The following ABCC5 variants were observed in gnomAD, a reference collection of about 807,000 sequenced individuals.
ABCC5 encodes ATP binding cassette subfamily C member 5.
ABCC5 carries 61 observed loss-of-function variants against 160.9 expected under a neutral mutation model. The ratio of observed to expected loss-of-function variants is 0.38; its 90% confidence interval spans 0.31 to 0.47. The LOEUF (loss-of-function observed/expected upper bound fraction) is 0.47. Ranked by LOEUF, ABCC5 falls within the 20% of genes least tolerant of loss-of-function variation. The pLI, the probability that ABCC5 is intolerant of heterozygous loss-of-function variation, is 0.99. For synonymous variants in ABCC5, 666 were observed against 700.6 expected, an observed-to-expected ratio of 0.95 and a Z score of 0.78; for missense variants, 1,308 against 1,813.3, an observed-to-expected ratio of 0.72 and a Z score of 5.06.
chr3:183,958,964 A>G (rs1206537681), intron 17 of ABCC5, among the ~76,000 whole-genome samples: 1 of 152,030 alleles, frequency 6.6e-6, no homozygotes, highest in African/African-American at 2.4e-5. Context: ...GGCAAACCCA[A>G]GAAAGTCCCT....
At chr3:183,961,731 T>A in intron 15 of ABCC5, 77 bp from the exon 16 acceptor site, 1 of 1,562,860 alleles carries the variant, frequency 6.4e-7, no homozygotes, top group South Asian at 1.2e-5. Context: ...AGTTCAGTAG[T>A]TCTCTACAGG....
intron 10 of ABCC5, 169 bp from the exon 11 acceptor site, chr3:183,972,088 G>A: frequency 7.0e-7 from 1 of 1,424,754 alleles, no homozygotes. Context: ...CCCATCAAGG[G>A]GTCACGGGAG....
At chr3:183,957,400 G>A (rs374623919) in intron 17 of ABCC5, among the ~76,000 whole-genome samples, 3 of 132,322 alleles carry the variant, frequency 2.3e-5, no homozygotes, top group African/African-American at 2.8e-5. Flanking sequence ...ATGCTTATCC[G>A]TGTGTATATC....
intron 26 of ABCC5, among the ~76,000 whole-genome samples, chr3:183,930,284 T>A (rs887566006): frequency 4.6e-5 from 7 of 152,248 alleles, no homozygotes; most frequent in African/African-American, 1.2e-4. Context: ...ATTCCTGCTA[T>A]CTGGGCATCT....
chr3:183,977,632 TAGG>T lies in ABCC5; in HGVS notation c.1297-11_1297-9del, dbSNP rs779297708. The T allele has an allele frequency of 6.2e-7, 1 of 1,606,614 alleles. No homozygotes were observed. The highest frequency in any genetic ancestry group is 1.1e-5 in the South Asian group (1 of 90,728). ...TGTCACCACTGTGAAAGCCTGAAAA[TAGG>T]AGAAGAGAAGAAACTGTGCCTAATG... On this transcript the variant is annotated splice_polypyrimidine_tract_variant and intron_variant, in intron 9 of 29. Transcript: ENST00000334444.
At chr3:183,948,499 T>C (rs1160375518) in intron 22 of ABCC5, among the ~76,000 whole-genome samples, 2 of 150,808 alleles carry the variant, frequency 1.3e-5, no homozygotes, top group Non-Finnish European at 3.0e-5. Context: ...TTCTAAACTT[T>C]CTATTCTAAA....
intron 25 of ABCC5, among the ~76,000 whole-genome samples, chr3:183,941,872 G>A (rs1714385385): frequency 6.6e-6 from 1 of 151,820 alleles, no homozygotes; most frequent in East Asian, 2.0e-4. Context: ...TACGTGAGAG[G>A]CTGAGGCAGG....
intron 16 of ABCC5, 31 bp downstream of exon 16, chr3:183,961,479 AG>A: frequency 6.2e-7 from 1 of 1,611,234 alleles, no homozygotes; most frequent in Non-Finnish European, 8.5e-7. Context: ...CAGAGACAGA[AG>A]GGGACACACG....
At chr3:183,965,298 G>A (rs1316775657) in intron 13 of ABCC5, 41 bp from the exon 14 acceptor site, 3 of 1,614,134 alleles carry the variant, frequency 1.9e-6, no homozygotes, top group Non-Finnish European at 2.5e-6. Context: ...CACGGCGGGA[G>A]CAGAGCCTGC....
chr3:183,922,326 C>T (rs1258241493), intron 29 of ABCC5, among the ~76,000 whole-genome samples: 1 of 152,116 alleles, frequency 6.6e-6, no homozygotes, highest in Admixed American at 6.6e-5. Flanking sequence ...GAGCAGAGAT[C>T]GTGCTATTGC....
chr3:183,955,171 A>C (rs1280846908), intron 17 of ABCC5, among the ~76,000 whole-genome samples: 1 of 152,188 alleles, frequency 6.6e-6, no homozygotes, highest in African/African-American at 2.4e-5. Context: ...TAGTAAAGGA[A>C]GGAGATTCTC....
At chr3:183,994,151 T>C (rs1468264171) in intron 2 of ABCC5, among the ~76,000 whole-genome samples, 6 of 151,968 alleles carry the variant, frequency 3.9e-5, no homozygotes, top group East Asian at 1.9e-4. Context: ...TTAGTAGAGA[T>C]GCCATTTTGC....
At chr3:184,002,393 C>T (rs1363612545) in intron 2 of ABCC5, among the ~76,000 whole-genome samples, 10 of 147,488 alleles carry the variant, frequency 6.8e-5, no homozygotes, top group Admixed American at 4.7e-4. Flanking sequence ...AGCCAGACTC[C>T]GTCTCAAAAA....
intron 2 of ABCC5, 94 bp downstream of exon 2, chr3:184,014,170 G>C: frequency 7.8e-7 from 1 of 1,279,000 alleles, no homozygotes; most frequent in Non-Finnish European, 1.1e-6. Flanking sequence ...ACCGCGCCCG[G>C]CCAAAAAATA....
chr3:183,935,535 G>A lies in ABCC5; in HGVS notation c.3854+2366C>T, dbSNP rs554705139. Among the ~76,000 whole-genome samples, 7 of 151,552 alleles carry A rather than the reference G, an allele frequency of 4.6e-5. No homozygotes were observed. The South Asian group carries it at 1.0e-3, about 23-fold the overall frequency. On this transcript the variant is annotated intron_variant, in intron 26 of 29. Transcript: ENST00000334444. ...TAATTTTCTTTTGAGACAGAGTCTC[G>A]CTCTGTCACCTAGGCTGGAGTGCAG... is the stretch of plus-strand genomic sequence containing the variant.
intron 2 of ABCC5, among the ~76,000 whole-genome samples, chr3:184,002,839 C>A (rs1720862971): frequency 6.6e-6 from 1 of 152,212 alleles, no homozygotes. Flanking sequence ...GCTGAGGATT[C>A]AACCAAGTTG....
At chr3:183,996,783 A>C (rs981326755) in intron 2 of ABCC5, among the ~76,000 whole-genome samples, 3 of 152,200 alleles carry the variant, frequency 2.0e-5, no homozygotes, top group African/African-American at 7.2e-5. Flanking sequence ...CAGTAAGAGG[A>C]TGGAAAAGTC....
rs1715127384 is a variant in ABCC5, at chr3:183,949,292, T to C, written c.3227+461A>G. Among the ~76,000 whole-genome samples, 1 of 152,266 alleles carries C rather than the reference T, an allele frequency of 6.6e-6. No homozygotes were observed. Among genetic ancestry groups the C allele is most frequent in the African/African-American group, 2.4e-5 (1 of 41,480 alleles). Reference sequence around the variant, plus strand: ...TTCACAAATAAACAATACTCGATGCTTAAATAAAATCTACTCAAATGTCAT... The same window carrying C: ...TTCACAAATAAACAATACTCGATGCCTAAATAAAATCTACTCAAATGTCAT... On this transcript the variant is annotated intron_variant, in intron 22 of 29. Transcript: ENST00000334444. This position sits in a 1 kb window ranked among gnomAD's most constrained non-coding sequence, Gnocchi z 4.2.
Position 183,921,985 on chromosome 3 carries a change from T to C in ABCC5, c.4213-584A>G, listed in dbSNP as rs1190723865. Among the ~76,000 whole-genome samples, 1 of 148,324 alleles carries C rather than the reference T, an allele frequency of 6.7e-6. No individual in the cohort carries two copies. The highest frequency in any genetic ancestry group is 6.7e-5 in the Admixed American group (1 of 14,896). On this transcript the variant is annotated intron_variant, in intron 29 of 29. Coordinates refer to ENST00000334444, the MANE Select transcript of ABCC5 (RefSeq NM_005688.4). This position sits in a 1 kb window ranked among gnomAD's most constrained non-coding sequence, Gnocchi z 4.1. Reference sequence around the variant, plus strand: ...GGTGGAGGTTGCAGTGAACTGAGATTGTACCACTGCATGCCAGGCTGGGCG... The same window carrying C: ...GGTGGAGGTTGCAGTGAACTGAGATCGTACCACTGCATGCCAGGCTGGGCG...
Sources: allele counts gnomAD v4.1 joint callset (sites outside exome capture counted in the v4.1 genomes callset), GRCh38; gene constraint gnomAD v4.1.1; non-coding constraint Gnocchi (gnomAD v3.1); transcripts MANE v1.5; gene names NCBI Gene and HGNC (gene_info 2026-07-23, HGNC 2026-07-21).